GTPBP6: variants seen among roughly 807,000 people sequenced by gnomAD.
The protein encoded by GTPBP6 is GTP binding protein 6.
A neutral mutation model predicts 28.9 loss-of-function variants in GTPBP6; 33 were observed. The ratio of observed to expected loss-of-function variants is 1.14; its 90% CI spans 0.87 to 1.53. GTPBP6 has a LOEUF of 1.53. GTPBP6 is among the 40% of genes most tolerant of loss of function. The pLI, the probability that GTPBP6 is intolerant of heterozygous loss-of-function variation, is 0.00. For synonymous variants in GTPBP6, 231 were observed against 192.7 expected, an observed-to-expected ratio of 1.20 and a Z score of -1.65; for missense variants, 507 against 408.3, an observed-to-expected ratio of 1.24 and a Z score of -2.08.
chrX:307,951 A>T, intron 7 of GTPBP6, 71 bp from the exon 8 acceptor site: 1 of 1,338,546 alleles, frequency 7.5e-7, no homozygotes, highest in South Asian at 1.8e-5. Flanking sequence ...AGACAGGCCC[A>T]GGAGAGGGGC....
chrX:310,734 C>T (rs1167488578), intron 7 of GTPBP6, among the ~76,000 whole-genome samples: 4 of 152,162 alleles, frequency 2.6e-5, no homozygotes, highest in African/African-American at 7.2e-5. Flanking sequence ...AGGAAGGACC[C>T]TCCCCTAGAG....
intron 3 of GTPBP6, 44 bp from the exon 4 acceptor site, chrX:315,064 G>C: frequency 2.5e-6 from 1 of 398,734 alleles, no homozygotes; most frequent in Admixed American, 4.4e-5. Flanking sequence ...GGGAAGGCCG[G>C]GCCCTGGTGG....
At chrX:313,047 C>A in intron 5 of GTPBP6, 123 bp from the exon 6 acceptor site, 1 of 771,808 alleles carries the variant, frequency 1.3e-6, no homozygotes, top group Non-Finnish European at 2.1e-6. Context: ...GGGGGCCCGG[C>A]TGCTTTCCCC....
chrX:313,141 G>C (rs2070349950), intron 5 of GTPBP6, among the ~76,000 whole-genome samples: 1 of 152,240 alleles, frequency 6.6e-6, no homozygotes, highest in Non-Finnish European at 1.5e-5. Flanking sequence ...TCCACCCTGT[G>C]AGGTCAACGA....
chrX:307,804 C>A, exon 8 of GTPBP6: 1 of 1,551,468 alleles, frequency 6.4e-7, no homozygotes, highest in South Asian at 1.2e-5. Flanking sequence ...CTGCAGGCCA[C>A]GCAGCGTGGA....
chrX:313,224 G>T (rs2070351905), intron 5 of GTPBP6, among the ~76,000 whole-genome samples: 1 of 152,254 alleles, frequency 6.6e-6, no homozygotes, highest in South Asian at 2.1e-4. Context: ...CACGGCCCAG[G>T]ACGTCATCGT....
intron 2 of GTPBP6, 140 bp from the exon 3 acceptor site, chrX:315,439 G>C (rs2070411791): frequency 2.5e-6 from 1 of 398,194 alleles, no homozygotes; most frequent in African/African-American, 2.1e-5. Flanking sequence ...ACGAGACCCG[G>C]GATCCAGGAA....
chrX:314,050 G>T (rs2070374544), intron 5 of GTPBP6, 100 bp downstream of exon 5: 4 of 924,616 alleles, frequency 4.3e-6, no homozygotes, highest in East Asian at 2.6e-5. Flanking sequence ...ACCCCAGCTG[G>T]ACCCCACCCT....
intron 9 of GTPBP6, among the ~76,000 whole-genome samples, chrX:305,458 A>T (rs1037501209): frequency 6.6e-6 from 1 of 150,520 alleles, no homozygotes; most frequent in African/African-American, 2.5e-5. Context: ...AGTAGCTGGG[A>T]CTACAGGTGC....
At chrX:306,633 CTG>C (rs901855957) in intron 9 of GTPBP6, among the ~76,000 whole-genome samples, 61 of 145,320 alleles carry the variant, frequency 4.2e-4, no homozygotes, top group Non-Finnish European at 7.5e-4. Flanking sequence ...TACATTTTGA[CTG>C]TCAGCACAGA....
exon 6 of GTPBP6, chrX:312,876 G>A (rs1194368062): frequency 6.2e-7 from 1 of 1,612,618 alleles, no homozygotes; most frequent in Admixed American, 1.7e-5. Context: ...CCTGATCTTG[G>A]CCTCCTTCTC....
At chrX:307,814 A>C (rs753736630) in exon 8 of GTPBP6, 1 of 1,555,160 alleles carries the variant, frequency 6.4e-7, no homozygotes, top group Non-Finnish European at 8.7e-7. Flanking sequence ...CGCAGCGTGG[A>C]CAGAACGCTG....
intron 2 of GTPBP6, among the ~76,000 whole-genome samples, chrX:316,242 C>T (rs1366374080): frequency 5.1e-5 from 1 of 19,788 alleles, no homozygotes; most frequent in Admixed American, 5.8e-4. Context: ...GACACAAACA[C>T]ATACACACGC....
rs200201384 is a variant in GTPBP6, at chrX:314,169, C to T, written c.738G>A (p.Ser246=). ...AGTTACCTGACCCCATGATGTAGCG[C>T]GAGCCGACTCCTCGGTACAGGTGGG... The change falls in exon 5 of 10, where the codon TCG becomes TCA. Residue 246 remains serine, a synonymous_variant. Coordinates refer to ENST00000326153, the Ensembl canonical transcript of GTPBP6. 1.9e-3 allele frequency: 3,041 copies of T among 1,613,330 alleles called. 5 individuals carry two copies. The highest frequency in any genetic ancestry group is 2.3e-3 in the Non-Finnish European group (2,674 of 1,179,410).
Position 315,314 on chromosome X carries a change from G to C in GTPBP6, c.488-15C>G, listed in dbSNP as rs1205548772. 2 of 398,388 alleles carry C rather than the reference G, an allele frequency of 5.0e-6. No individual in the cohort carries two copies. Among genetic ancestry groups the C allele is most frequent in the Admixed American group, 8.8e-5 (2 of 22,710 alleles). The allele number at this position is 398,388 out of a possible 1,614,324, so 24.7% of individuals were successfully genotyped here. A position where few individuals can be genotyped will look rare whatever the true frequency, so the allele number is the denominator to read the frequency against. On this transcript the variant is annotated splice_polypyrimidine_tract_variant and intron_variant, in intron 2 of 9. Coordinates refer to ENST00000326153, the Ensembl canonical transcript of GTPBP6. Reference sequence around the variant, plus strand: ...TCGGATCTTTTCTAACAGAAAGAGGGGGTCCCGTCAGAGGCTGGCCGTCCA... The same window carrying C: ...TCGGATCTTTTCTAACAGAAAGAGGCGGTCCCGTCAGAGGCTGGCCGTCCA...
At chrX:312,768 C>T (rs771318611) in exon 6 of GTPBP6, 13 of 1,610,904 alleles carry the variant, frequency 8.1e-6, no homozygotes, top group Admixed American at 3.4e-5. Flanking sequence ...GTGCTCACCG[C>T]AGTTGGTGTA....
At chrX:313,717 CAG>C (rs1460298520) in intron 5 of GTPBP6, among the ~76,000 whole-genome samples, 5 of 151,322 alleles carry the variant, frequency 3.3e-5, no homozygotes, top group Non-Finnish European at 5.9e-5. Flanking sequence ...GAGACGGAGG[CAG>C]AGACTGGAGT....
chrX:305,567 C>T (rs756148454), intron 9 of GTPBP6, among the ~76,000 whole-genome samples: 8 of 150,116 alleles, frequency 5.3e-5, no homozygotes, highest in East Asian at 4.0e-4. Context: ...GTGATCCACC[C>T]GCCTCGGCCT....
intron 2 of GTPBP6, among the ~76,000 whole-genome samples, chrX:315,557 C>G (rs2070415267): frequency 3.8e-4 from 4 of 10,570 alleles, no homozygotes; most frequent in Admixed American, 2.4e-3. Flanking sequence ...CACGCAGACA[C>G]ACACACACAC....
Sources: allele counts gnomAD v4.1 joint callset (sites outside exome capture counted in the v4.1 genomes callset), GRCh38; gene constraint gnomAD v4.1.1; transcripts MANE v1.5; gene names NCBI Gene and HGNC (gene_info 2026-07-23, HGNC 2026-07-21).